GBX2: variants seen among roughly 807,000 people sequenced by gnomAD.
GBX2 encodes the protein gastrulation brain homeobox 2, also known as homeobox protein GBX-2.
Under a neutral mutation model 22.4 loss-of-function variants are expected in GBX2, and 5 were observed. That is an observed-to-expected ratio of 0.22 (90% CI 0.12 to 0.47). The LOEUF (loss-of-function observed/expected upper bound fraction) is 0.47, where lower values mean the gene tolerates loss of function less well. Among genes scored for constraint, GBX2 ranks in the 20% least tolerant of loss-of-function variants. The pLI, the probability that GBX2 is intolerant of heterozygous loss-of-function variation, is 0.99. For synonymous variants in GBX2, 220 were observed against 230.5 expected, an observed-to-expected ratio of 0.95 and a Z score of 0.41; for missense variants, 470 against 495.4, an observed-to-expected ratio of 0.95 and a Z score of 0.49.
chr2:236,165,733 G>T lies in GBX2; in HGVS notation c.*181C>A. 1.7e-6 allele frequency: 1 copy of T among 596,042 alleles called. No homozygotes were observed. Among genetic ancestry groups the T allele is most frequent in the Non-Finnish European group, 3.0e-6 (1 of 335,380 alleles). The allele number at this position is 596,042 out of a possible 1,614,324, so 36.9% of individuals were successfully genotyped here. Reference sequence around the variant, plus strand: ...AATATTTAGCGTGTCTTCTGGTGTGGCTGTAAGCCCCTTCAAAAGCAGTCT... The same window carrying T: ...AATATTTAGCGTGTCTTCTGGTGTGTCTGTAAGCCCCTTCAAAAGCAGTCT... On this transcript the variant is annotated 3_prime_UTR_variant, in exon 2 of 2. Transcript: ENST00000306318.
chr2:236,163,658 G>C (rs2060222768), downstream of GBX2, among the ~76,000 whole-genome samples: 1 of 152,158 alleles, frequency 6.6e-6, no homozygotes, highest in African/African-American at 2.4e-5. Context: ...ACCTTCCCGG[G>C]TAAACTCTTC....
chr2:236,164,010 C>G (rs2060224476), downstream of GBX2, among the ~76,000 whole-genome samples: 1 of 152,138 alleles, frequency 6.6e-6, no homozygotes. Flanking sequence ...AAAACCAAGT[C>G]TGGGCCATTT....
In GBX2 at chr2:236,165,576, A is replaced by T. The variant is rs530470019; in HGVS notation, c.*338T>A. The T allele has an allele frequency of 1.4e-5, 3 of 222,140 alleles. No individual in the cohort carries two copies. In the East Asian group the frequency reaches 2.9e-4, roughly 21 times the overall value. The allele number at this position is 222,140 out of a possible 1,614,324, so 13.8% of individuals were successfully genotyped here. On this transcript the variant is annotated 3_prime_UTR_variant, in exon 2 of 2. Transcript: ENST00000306318. ...AAGGTGGCTGCTAACCGCGCAGATT[A>T]CAGCAGAGGTTTTGTTTTCTTCTGG...
rs751864427 is a variant in GBX2, at chr2:236,167,533, C to T, written c.439G>A (p.Asp147Asn). ...AGGAAGCCTTTGCCGTCCTCCGCGT[C>T]AGCCTGCAGCGCCTCCGCCTTGTCG... The part of the protein sequence containing the change: ...NFDKAEALQA[D>N]AEDGKGFLAK... Residue 147 changes from aspartate to asparagine, a missense_variant, in exon 1 of 2, where the codon GAC becomes AAC. Around this residue, in one of 4 missense-constraint regions of GBX2, gnomAD observed 377 missense variants for 358.6 expected, o/e 1.05. Transcript: ENST00000306318. 1.9e-6 allele frequency: 3 copies of T among 1,599,148 alleles called. No individual in the cohort carries two copies. Among genetic ancestry groups the T allele is most frequent in the Non-Finnish European group, 2.6e-6 (3 of 1,175,794 alleles).
At chr2:236,167,276 C>T (rs1427535188) in intron 1 of GBX2, 173 bp downstream of exon 1, 1 of 1,411,288 alleles carries the variant, frequency 7.1e-7, no homozygotes, top group Non-Finnish European at 9.7e-7. Context: ...TTGGGTGGCT[C>T]TGAATGTCCC....
rs1357976813 is a variant in GBX2, at chr2:236,165,961, A to T, written c.1000T>A (p.Phe334Ile). Reference protein sequence around the residue: ...VVPIPVHVSRFAIRSQHQQLE... With the variant: ...VVPIPVHVSRIAIRSQHQQLE... ...TGCTGATGCTGACTTCTGATAGCGA[A>T]CCTGCTGACGTGGACAGGGATGGGG... The change falls in exon 2 of 2, where the codon TTC becomes ATC. Residue 334 changes from phenylalanine (F) to isoleucine (I), a missense_variant. Physicochemically the swap from Phe to Ile is conservative, Grantham distance 21. Transcript: ENST00000306318. The T allele has an allele frequency of 5.0e-6, 8 of 1,613,878 alleles. No individual in the cohort carries two copies. The highest frequency in any genetic ancestry group is 6.8e-6 in the Non-Finnish European group (8 of 1,179,990).
downstream of GBX2, among the ~76,000 whole-genome samples, chr2:236,162,709 G>A (rs1447728866): frequency 6.6e-6 from 1 of 152,196 alleles, no homozygotes; most frequent in Non-Finnish European, 1.5e-5. Context: ...GCACGGCTGG[G>A]GGGCGCAGGT....
chr2:236,164,844 A>C (rs1309166213), downstream of GBX2, among the ~76,000 whole-genome samples: 1 of 152,102 alleles, frequency 6.6e-6, no homozygotes, highest in Non-Finnish European at 1.5e-5. Flanking sequence ...GATATTTGTA[A>C]AGGAAAGACG....
chr2:236,165,942 T>C lies in GBX2; in HGVS notation c.1019A>G (p.His340Arg). The change falls in exon 2 of 2, where the codon CAT (histidine) becomes CGT (arginine). Residue 340 changes from histidine to arginine, a missense_variant. By Grantham distance (29) the His-to-Arg change is conservative. Around this residue, in one of 4 missense-constraint regions of GBX2, gnomAD observed 50 missense variants for 59.1 expected, o/e 0.85. Transcript: ENST00000306318. ...HVSRFAIRSQ[H>R]QQLEQARP The stretch of plus-strand genomic sequence containing the variant: ...GGGCCGGGCCTGTTCTAGCTGCTGA[T>C]GCTGACTTCTGATAGCGAACCTGCT... 6.2e-7 allele frequency: 1 copy of C among 1,614,062 alleles called. No individual in the cohort carries two copies. Among genetic ancestry groups the C allele is most frequent in the Non-Finnish European group, 8.5e-7 (1 of 1,179,960 alleles).
Position 236,167,399 on chromosome 2 carries a change from C to A in GBX2, c.523+50G>T, listed in dbSNP as rs1169464480. The A allele has an allele frequency of 4.9e-6, 7 of 1,423,570 alleles. No homozygotes were observed. In the East Asian group the frequency reaches 1.7e-4, roughly 35 times the overall value. The allele number at this position is 1,423,570 out of a possible 1,614,324, so 88.2% of individuals were successfully genotyped here. A position where few individuals can be genotyped will look rare whatever the true frequency, so the allele number is the denominator to read the frequency against. On this transcript the variant is annotated intron_variant, in intron 1 of 1. Coordinates refer to ENST00000306318, the MANE Select transcript of GBX2 (RefSeq NM_001485.4). Reference sequence around the variant, plus strand: ...CCGCGGGAACCCGGCGCTGGCCCGCCCCCGCCTCCTCCCGCCCCCTCGTCC... The same window carrying A: ...CCGCGGGAACCCGGCGCTGGCCCGCACCCGCCTCCTCCCGCCCCCTCGTCC...
At position 236,167,492 on chromosome 2, in the gene GBX2, C is replaced by A; in HGVS notation, c.480G>T (p.Ser160=). The change falls in exon 1 of 2, where the codon TCG becomes TCT. Residue 160 remains serine, a synonymous_variant. Transcript: ENST00000306318. ...DGKGFLAKEG[S]LLAFSAAETV... is the part of the protein sequence containing the mutation. ...TCTCGGCCGCGGAGAAGGCGAGCAG[C>A]GAGCCCTCTTTGGCCAGGAAGCCTT... 1 of 1,589,686 alleles carries A rather than the reference C, an allele frequency of 6.3e-7. No homozygotes were observed. Among genetic ancestry groups the A allele is most frequent in the Non-Finnish European group, 8.5e-7 (1 of 1,173,374 alleles).
chr2:236,167,155 C>T (rs996311691), intron 1 of GBX2: 12 of 1,535,626 alleles, frequency 7.8e-6, no homozygotes, highest in Non-Finnish European at 1.0e-5. Flanking sequence ...CCCAGGTCAC[C>T]GCGGAGCGGC....
At position 236,166,269 on chromosome 2, in the gene GBX2, G is replaced by A; in HGVS notation, c.692C>T (p.Thr231Ile). 1 of 1,613,706 alleles carries A rather than the reference G, an allele frequency of 6.2e-7. No individual in the cohort carries two copies. The highest frequency in any genetic ancestry group is 8.5e-7 in the Non-Finnish European group (1 of 1,179,986). ...EEDPGHALEETPPSSGAAGST... is the reference protein window; with the variant it reads ...EEDPGHALEEIPPSSGAAGST... Reference sequence around the variant, plus strand: ...GCCCGCGGCGCCGCTGCTCGGCGGGGTCTCCTCCAGCGCGTGGCCCGGGTC... The same window carrying A: ...GCCCGCGGCGCCGCTGCTCGGCGGGATCTCCTCCAGCGCGTGGCCCGGGTC... The change falls in exon 2 of 2, where the codon ACC becomes ATC. Residue 231 changes from threonine to isoleucine, a missense_variant. Thr to Ile is a moderately conservative substitution (Grantham distance 89, BLOSUM62 -1). This residue lies in a region of GBX2 where 377 missense variants were observed against 358.6 expected (regional missense o/e 1.05). Transcript: ENST00000306318. The surrounding 1 kb of genome is among the most constrained non-coding windows in gnomAD (Gnocchi z 6.6).
At chr2:236,164,182 C>T (rs1460318287), downstream of GBX2, among the ~76,000 whole-genome samples, 1 of 152,132 alleles carries the variant, frequency 6.6e-6, no homozygotes. Context: ...AATATTAGTA[C>T]TAACCCATGG....
downstream of GBX2, among the ~76,000 whole-genome samples, chr2:236,163,404 G>T (rs896693458): frequency 6.6e-6 from 1 of 152,242 alleles, no homozygotes; most frequent in Non-Finnish European, 1.5e-5. Flanking sequence ...CTCGGTCCCA[G>T]GAGCGGGGCT....
In GBX2 at chr2:236,167,074, C is replaced by A. The variant is rs2060243114; in HGVS notation, c.523+375G>T. 6.3e-6 allele frequency: 9 copies of A among 1,431,206 alleles called. No individual in the cohort carries two copies. The Admixed American group carries it at 1.8e-4, about 28-fold the overall frequency. 88.7% of individuals were successfully genotyped at this position (1,431,206 alleles called of 1,614,324 possible). A position where few individuals can be genotyped will look rare whatever the true frequency, so the allele number is the denominator to read the frequency against. ...GAAGGGGTTTAAAAAGTCTGGGCGC[C>A]CCTGGGCACACGCACGGCTGAGACG... On this transcript the variant is annotated intron_variant, in intron 1 of 1. Transcript: ENST00000306318.
chr2:236,163,303 G>C (rs1296777181), downstream of GBX2, among the ~76,000 whole-genome samples: 1 of 151,498 alleles, frequency 6.6e-6, no homozygotes, highest in Admixed American at 6.6e-5. Context: ...GGAGCAGGAG[G>C]GAGGGCGGCA....
chr2:236,167,357 C>A, intron 1 of GBX2, 92 bp downstream of exon 1: 2 of 1,404,712 alleles, frequency 1.4e-6, no homozygotes, highest in Non-Finnish European at 1.9e-6. Context: ...GGGGCGCGGC[C>A]TCGCCCCCTT....
At position 236,166,730 on chromosome 2, in the gene GBX2, G is replaced by A. The variant is rs2060241392; in HGVS notation, c.524-293C>T. 6.8e-6 allele frequency among the ~76,000 whole-genome samples: 1 copy of A among 146,094 alleles called. No homozygotes were observed. Among genetic ancestry groups the A allele is most frequent in the African/African-American group, 2.7e-5 (1 of 36,438 alleles). Reference sequence around the variant, plus strand: ...CACCCTCCCAGCCTCGGCAGCGTCAGGAGAAGTAGCAGGAGGCGCGAGGCC... The same window carrying A: ...CACCCTCCCAGCCTCGGCAGCGTCAAGAGAAGTAGCAGGAGGCGCGAGGCC... On this transcript the variant is annotated intron_variant, in intron 1 of 1. Transcript: ENST00000306318. This position sits in a 1 kb window ranked among gnomAD's most constrained non-coding sequence, Gnocchi z 6.6.
Sources: gnomAD v4.1 joint callset for allele counts (sites outside exome capture counted in the v4.1 genomes callset) on GRCh38, gnomAD v4.1.1 for gene constraint, gnomAD v4.1.1 regional missense constraint, Gnocchi (gnomAD v3.1) non-coding constraint, MANE v1.5 for transcripts, NCBI Gene and HGNC (gene_info 2026-07-23, HGNC 2026-07-21) for gene names.